The following VSNL1 variants were observed in gnomAD, a reference collection of about 807,000 sequenced individuals.
VSNL1 encodes the protein visinin like 1, also known as visinin-like protein 1.
In VSNL1, 6 loss-of-function variants were observed where a neutral mutation model predicts 20.4. That is an observed-to-expected ratio of 0.29 (90% CI 0.16 to 0.58). VSNL1 has a LOEUF of 0.58. VSNL1 is among the 20% of genes least tolerant of loss of function. VSNL1 has a pLI of 0.90. For synonymous variants in VSNL1, 93 were observed against 86.4 expected, an observed-to-expected ratio of 1.08 and a Z score of -0.42; for missense variants, 100 against 234.5, an observed-to-expected ratio of 0.43 and a Z score of 3.75.
chr2:17,588,450 C>T (rs1664526864), intron 1 of VSNL1, among the ~76,000 whole-genome samples: 1 of 152,172 alleles, frequency 6.6e-6, no homozygotes, highest in South Asian at 2.1e-4. Context: ...CCTGCTTCCC[C>T]CTCATATGGT....
rs750192524 is a variant in VSNL1, at chr2:17,649,448, T to C, written c.201T>C (p.His67=). 4.2e-5 allele frequency: 67 copies of C among 1,614,236 alleles called. No homozygotes were observed. Among genetic ancestry groups the C allele is most frequent in the Non-Finnish European group, 5.5e-5 (65 of 1,180,042 alleles). ...PYGDASKFAQ[H]AFRTFDKNGD... The stretch of plus-strand genomic sequence containing the variant: ...GAGACGCCTCCAAGTTTGCCCAGCA[T>C]GCCTTCCGAACCTTCGACAAGAATG... Residue 67 remains histidine (H), a synonymous_variant, in exon 3 of 4, where the codon CAT becomes CAC. Coordinates refer to ENST00000295156, the MANE Select transcript of VSNL1 (RefSeq NM_003385.5). The surrounding 1 kb of genome is among the most constrained non-coding windows in gnomAD (Gnocchi z 6.4).
chr2:17,614,253 GGGCACTGAA>G (rs1665161471), intron 2 of VSNL1, among the ~76,000 whole-genome samples: 1 of 152,218 alleles, frequency 6.6e-6, no homozygotes, highest in South Asian at 2.1e-4. Flanking sequence ...TCTTAGGAGG[GGGCACTGAA>G]GGCACACTTG....
At chr2:17,565,065 TC>T (rs1240510200) in intron 1 of VSNL1, among the ~76,000 whole-genome samples, 5 of 152,202 alleles carry the variant, frequency 3.3e-5, no homozygotes, top group Non-Finnish European at 7.4e-5. Flanking sequence ...TTTTTAGTAT[TC>T]TACCATGTTT....
At chr2:17,622,479 C>A (rs1665384729) in intron 2 of VSNL1, among the ~76,000 whole-genome samples, 1 of 133,246 alleles carries the variant, frequency 7.5e-6, no homozygotes, top group Non-Finnish European at 1.6e-5. Flanking sequence ...GCCTGGGCAA[C>A]AGAGCCAGGC....
chr2:17,547,303 A>G lies in VSNL1; in HGVS notation c.-6+6385A>G, dbSNP rs115565276. Among the ~76,000 whole-genome samples, 368 of 152,212 alleles carry G rather than the reference A, an allele frequency of 2.4e-3. 4 individuals carry two copies. The highest frequency in any genetic ancestry group is 8.5e-3 in the African/African-American group (355 of 41,568). On this transcript the variant is annotated intron_variant, in intron 1 of 3. Coordinates refer to ENST00000295156, the MANE Select transcript of VSNL1 (RefSeq NM_003385.5). ...TATGTAAAGAATATAATGGCTTATT[A>G]TTGAAAATGTACAATAAATAATAGT...
chr2:17,621,770 G>A (rs989255439), intron 2 of VSNL1, among the ~76,000 whole-genome samples: 2 of 152,164 alleles, frequency 1.3e-5, no homozygotes, highest in Non-Finnish European at 2.9e-5. Context: ...TGGGATTATA[G>A]GCACTTGCCA....
upstream of VSNL1, chr2:17,540,008 G>C (rs1663240718): frequency 1.4e-5 from 2 of 145,928 alleles, no homozygotes; most frequent in South Asian, 4.4e-4. Flanking sequence ...CACAGGGCAA[G>C]AAGCCTCGGA....
At chr2:17,540,501 G>A (rs1456822677), upstream of VSNL1, among the ~76,000 whole-genome samples, 1 of 152,258 alleles carries the variant, frequency 6.6e-6, no homozygotes, top group Non-Finnish European at 1.5e-5. Flanking sequence ...TCCACCCGCG[G>A]AAACTCCGAG....
chr2:17,567,195 A>G (rs185206081), intron 1 of VSNL1, among the ~76,000 whole-genome samples: 42 of 152,196 alleles, frequency 2.8e-4, no homozygotes, highest in African/African-American at 9.4e-4. Flanking sequence ...GCATTATAAG[A>G]TGATTTGGTT....
At chr2:17,602,210 T>C (rs750715986) in intron 2 of VSNL1, among the ~76,000 whole-genome samples, 3 of 152,230 alleles carry the variant, frequency 2.0e-5, no homozygotes, top group Non-Finnish European at 2.9e-5. Context: ...TCTGTCTTAC[T>C]GATTCTTCCA....
In VSNL1 at chr2:17,655,472, C is replaced by CACACAT; in HGVS notation, c.*83_*84insTACACA. 1.0e-6 allele frequency: 1 copy of CACACAT among 979,410 alleles called. No individual in the cohort carries two copies. The highest frequency in any genetic ancestry group is 1.6e-5 in the South Asian group (1 of 61,060). 60.7% of individuals were successfully genotyped at this position (979,410 alleles called of 1,614,324 possible). A position where few individuals can be genotyped will look rare whatever the true frequency, so the allele number is the denominator to read the frequency against. On this transcript the variant is annotated 3_prime_UTR_variant, in exon 4 of 4. Transcript: ENST00000295156. This position sits in a 1 kb window ranked among gnomAD's most constrained non-coding sequence, Gnocchi z 5.2. ...GCAGCTATTCACACACACACACACACACACACACACACACACACACACACA... is the reference window on the plus strand; with the variant it reads ...GCAGCTATTCACACACACACACACACACACATACACACACACACACACACACACACA...
At chr2:17,623,054 G>C (rs1047796006) in intron 2 of VSNL1, among the ~76,000 whole-genome samples, 3 of 152,182 alleles carry the variant, frequency 2.0e-5, no homozygotes, top group African/African-American at 7.2e-5. Context: ...TCCATAGCTA[G>C]TGCATATTAA....
chr2:17,573,226 C>A (rs1313179650), intron 1 of VSNL1, among the ~76,000 whole-genome samples: 1 of 152,072 alleles, frequency 6.6e-6, no homozygotes, highest in Non-Finnish European at 1.5e-5. Flanking sequence ...AGTCTGGGAG[C>A]ATGAAGTGGG....
chr2:17,653,292 G>C (rs1666159367), intron 3 of VSNL1, among the ~76,000 whole-genome samples: 1 of 152,174 alleles, frequency 6.6e-6, no homozygotes, highest in Non-Finnish European at 1.5e-5. Context: ...GTCCAGGAGG[G>C]ACTTCTTGTG....
chr2:17,580,626 GA>G (rs1664330368), intron 1 of VSNL1, among the ~76,000 whole-genome samples: 1 of 152,172 alleles, frequency 6.6e-6, no homozygotes, highest in South Asian at 2.1e-4. Context: ...CAAGTTCTAT[GA>G]AAGTTTCTGC....
intron 2 of VSNL1, among the ~76,000 whole-genome samples, chr2:17,630,127 G>A (rs751942234): frequency 3.3e-5 from 5 of 152,232 alleles, no homozygotes; most frequent in African/African-American, 9.6e-5. Flanking sequence ...AATCTCGTCC[G>A]TGTATTTTAC....
intron 1 of VSNL1, among the ~76,000 whole-genome samples, chr2:17,562,339 C>T (rs1663836107): frequency 6.6e-6 from 1 of 152,160 alleles, no homozygotes; most frequent in Non-Finnish European, 1.5e-5. Flanking sequence ...AGACTCTTGG[C>T]AATAATTTGT....
chr2:17,607,047 G>A (rs1465863181), intron 2 of VSNL1, among the ~76,000 whole-genome samples: 1 of 152,160 alleles, frequency 6.6e-6, no homozygotes, highest in Non-Finnish European at 1.5e-5. Flanking sequence ...TCCCTGAGCT[G>A]CAGAATTAGT....
chr2:17,581,994 T>G (rs16983663), intron 1 of VSNL1, among the ~76,000 whole-genome samples: 5,030 of 152,190 alleles, frequency 0.033, 88 homozygotes, highest in East Asian at 0.098. Context: ...GTTGTGTAAT[T>G]TGCAAAAGAA....
Sources: gnomAD v4.1 joint callset for allele counts (sites outside exome capture counted in the v4.1 genomes callset) on GRCh38, gnomAD v4.1.1 for gene constraint, Gnocchi (gnomAD v3.1) non-coding constraint, MANE v1.5 for transcripts, NCBI Gene and HGNC (gene_info 2026-07-23, HGNC 2026-07-21) for gene names.